The following MYO1H variants were observed in gnomAD, a reference collection of about 807,000 sequenced individuals.
MYO1H encodes unconventional myosin-Ih.
MYO1H carries 118 observed loss-of-function variants against 149.3 expected under a neutral mutation model. The ratio of observed to expected loss-of-function variants is 0.79; its 90% CI spans 0.68 to 0.92. The LOEUF (loss-of-function observed/expected upper bound fraction) is 0.92. Among genes scored for constraint, MYO1H ranks in the 40% least tolerant of loss-of-function variants. The probability of loss-of-function intolerance (pLI) is 0.00; values close to 1 mark genes in which losing one functional copy is unlikely to be tolerated. For missense variants in MYO1H, 1,212 were observed against 1,280.7 expected (o/e 0.95, Z 0.82); for synonymous variants, 447 against 465.2 (o/e 0.96, Z 0.50).
chr12:109,443,424 A>C, intron 27 of MYO1H, 90 bp from the exon 28 acceptor site: 1 of 1,452,234 alleles, frequency 6.9e-7, no homozygotes, highest in Admixed American at 2.0e-5. Context: ...AGCTTTTCTA[A>C]ATGCTTGACA....
exon 8 of MYO1H, chr12:109,405,988 G>A: frequency 6.2e-7 from 1 of 1,613,904 alleles, no homozygotes; most frequent in Non-Finnish European, 8.5e-7. Context: ...AGACGACCAA[G>A]GCTGTGCCAC....
At chr12:109,348,116 G>GA in intron 1 of MYO1H, 144 bp downstream of exon 1, 1 of 397,638 alleles carries the variant, frequency 2.5e-6, no homozygotes. Context: ...TTTATTTGAT[G>GA]AAAAATTCTA....
At chr12:109,439,536 C>T in intron 23 of MYO1H, 95 bp from the exon 24 acceptor site, 1 of 1,033,134 alleles carries the variant, frequency 9.7e-7, no homozygotes, top group Non-Finnish European at 1.4e-6. Context: ...CAGCCTCTAC[C>T]ACTTTGGCCG....
chr12:109,421,580 G>C (rs1290426962), intron 16 of MYO1H, among the ~76,000 whole-genome samples: 1 of 152,086 alleles, frequency 6.6e-6, no homozygotes. Flanking sequence ...TGTTAGGAGA[G>C]GGGGCTGAGA....
intron 14 of MYO1H, among the ~76,000 whole-genome samples, chr12:109,413,625 T>C (rs1448104905): frequency 6.6e-6 from 1 of 152,220 alleles, no homozygotes; most frequent in Non-Finnish European, 1.5e-5. Flanking sequence ...GAGTACATAC[T>C]GTGGCCGAGC....
At chr12:109,425,426 C>T (rs1206050735) in intron 17 of MYO1H, among the ~76,000 whole-genome samples, 1 of 152,200 alleles carries the variant, frequency 6.6e-6, no homozygotes, top group Non-Finnish European at 1.5e-5. Context: ...TGTTCATTTG[C>T]AGGCATTCAT....
intron 3 of MYO1H, among the ~76,000 whole-genome samples, chr12:109,395,532 C>T (rs1869851366): frequency 6.6e-6 from 1 of 151,934 alleles, no homozygotes; most frequent in Non-Finnish European, 1.5e-5. Flanking sequence ...TCAGGAGTTC[C>T]AGACCAGCCT....
intron 1 of MYO1H, among the ~76,000 whole-genome samples, chr12:109,379,955 T>C (rs529087114): frequency 6.6e-6 from 1 of 152,272 alleles, no homozygotes; most frequent in African/African-American, 2.4e-5. Flanking sequence ...ATGGTGTCGA[T>C]GTCTTAACCT....
intron 1 of MYO1H, among the ~76,000 whole-genome samples, chr12:109,378,040 ACT>A (rs1297588429): frequency 7.9e-5 from 12 of 152,190 alleles, no homozygotes; most frequent in African/African-American, 2.7e-4. Flanking sequence ...ATTATTGATA[ACT>A]CTTTTTCATC....
At chr12:109,347,393 G>T (rs1868359296), upstream of MYO1H, among the ~76,000 whole-genome samples, 1 of 152,062 alleles carries the variant, frequency 6.6e-6, no homozygotes, top group Non-Finnish European at 1.5e-5. Flanking sequence ...CATCACTTCA[G>T]CATCTGAAAA....
chr12:109,427,050 T>A (rs1349633272), intron 18 of MYO1H, among the ~76,000 whole-genome samples: 3 of 152,166 alleles, frequency 2.0e-5, no homozygotes, highest in African/African-American at 7.2e-5. Flanking sequence ...ATATGGTGGC[T>A]CATGCCTGTA....
At chr12:109,310,507 C>G in the MYO1H span, among the ~76,000 whole-genome samples, 1 of 152,192 alleles carries the variant, frequency 6.6e-6, no homozygotes, top group Non-Finnish European at 1.5e-5. Flanking sequence ...CCGCCCCCAC[C>G]GAGTGAGGCT....
intron 1 of MYO1H, among the ~76,000 whole-genome samples, chr12:109,371,095 G>A (rs1457549618): frequency 6.6e-6 from 1 of 152,100 alleles, no homozygotes; most frequent in Non-Finnish European, 1.5e-5. Flanking sequence ...CAAAGCTTAA[G>A]CCTTCTTTTC....
chr12:109,421,903 G>A (rs1201989959), intron 16 of MYO1H, among the ~76,000 whole-genome samples: 1 of 152,128 alleles, frequency 6.6e-6, no homozygotes, highest in East Asian at 1.9e-4. Flanking sequence ...ATTGCCCACT[G>A]CAGCCTCAGC....
At chr12:109,360,228 G>A (rs966621730) in intron 1 of MYO1H, among the ~76,000 whole-genome samples, 1 of 152,016 alleles carries the variant, frequency 6.6e-6, no homozygotes, top group Non-Finnish European at 1.5e-5. Context: ...TTTTACTGGG[G>A]AACGTATTGG....
At chr12:109,389,699 T>G (rs1869556360) in intron 2 of MYO1H, among the ~76,000 whole-genome samples, 1 of 152,182 alleles carries the variant, frequency 6.6e-6, no homozygotes, top group African/African-American at 2.4e-5. Flanking sequence ...TCCTCTAGGG[T>G]AAACTTCATA....
At chr12:109,444,138 G>A in intron 28 of MYO1H, 75 bp from the exon 29 acceptor site, 2 of 1,116,200 alleles carry the variant, frequency 1.8e-6, no homozygotes, top group East Asian at 2.3e-5. Context: ...GGCAGCCCCT[G>A]GGCGTATCTC....
At position 109,362,847 on chromosome 12, in the gene MYO1H, C is replaced by T. The variant is rs189198075; in HGVS notation, c.12+14875C>T. The stretch of plus-strand genomic sequence containing the variant: ...GCTCCTCTTTCAAGTGCCAATGTGC[C>T]GTATTTTGCCATAGCATATCTTGCA... On this transcript the variant is annotated intron_variant, in intron 1 of 31. Coordinates refer to ENST00000310903, the Ensembl canonical transcript of MYO1H. 1.5e-3 allele frequency among the ~76,000 whole-genome samples: 231 copies of T among 152,294 alleles called. 1 individual carries two copies. Among genetic ancestry groups the T allele is most frequent in the Admixed American group, 9.0e-3 (137 of 15,294 alleles).
intron 1 of MYO1H, among the ~76,000 whole-genome samples, chr12:109,362,246 C>T (rs920556339): frequency 6.6e-6 from 1 of 152,182 alleles, no homozygotes; most frequent in Admixed American, 6.5e-5. Context: ...GAAGGCAGGA[C>T]TCCGTTAACT....
Sources: gnomAD v4.1 joint callset for allele counts (sites outside exome capture counted in the v4.1 genomes callset) on GRCh38, gnomAD v4.1.1 for gene constraint, MANE v1.5 for transcripts, NCBI Gene and HGNC (gene_info 2026-07-23, HGNC 2026-07-21) for gene names.